Variants in FEZ2 observed in about 807,000 individuals in gnomAD.
FEZ2 encodes fasciculation and elongation protein zeta-2.
FEZ2 carries 51 observed loss-of-function variants against 40.4 expected under a neutral mutation model. That is an observed-to-expected ratio of 1.26 (90% CI 1.01 to 1.59). The LOEUF is 1.59. Among genes scored for constraint, FEZ2 ranks in the 40% most tolerant of loss-of-function variants. The pLI, the probability that FEZ2 is intolerant of heterozygous loss-of-function variation, is 0.00. For missense variants in FEZ2, 640 were observed against 438.3 expected (o/e 1.46, Z -4.11); for synonymous variants, 242 against 172.0 (o/e 1.41, Z -3.18).
At chr2:36,581,696 A>AC in intron 3 of FEZ2, 1 of 349,970 alleles carries the variant, frequency 2.9e-6, no homozygotes. Context: ...AGGCCCTAAC[A>AC]TGTCTTGCAA....
intron 5 of FEZ2, among the ~76,000 whole-genome samples, chr2:36,562,092 C>T (rs1668108748): frequency 6.6e-6 from 1 of 152,152 alleles, no homozygotes; most frequent in South Asian, 2.1e-4. Context: ...AGACTGAATG[C>T]AGAAGCACAT....
intron 3 of FEZ2, among the ~76,000 whole-genome samples, chr2:36,581,907 GA>G (rs1668761709): frequency 6.6e-6 from 1 of 151,888 alleles, no homozygotes; most frequent in Admixed American, 6.6e-5. Flanking sequence ...ATATAAATGG[GA>G]AATTACCTCT....
At chr2:36,558,558 C>G (rs1472981069) in intron 5 of FEZ2, 45 bp from the exon 6 acceptor site, 1 of 1,184,130 alleles carries the variant, frequency 8.4e-7, no homozygotes, top group Non-Finnish European at 1.2e-6. Flanking sequence ...TCGGAATTAC[C>G]TTATCTGCAA....
At chr2:36,589,061 TAC>T (rs1558458930) in intron 2 of FEZ2, among the ~76,000 whole-genome samples, 1 of 152,236 alleles carries the variant, frequency 6.6e-6, no homozygotes, top group Non-Finnish European at 1.5e-5. Context: ...TCTCTGGCCC[TAC>T]AGTTTCACTG....
intron 4 of FEZ2, chr2:36,579,083 C>T (rs1048322961): frequency 4.3e-6 from 2 of 467,098 alleles, no homozygotes; most frequent in Middle Eastern, 5.4e-4. Flanking sequence ...GCAGGTGAGT[C>T]ACTTCTCAGC....
intron 4 of FEZ2, 115 bp downstream of exon 4, chr2:36,581,175 G>T: frequency 3.0e-6 from 3 of 1,009,744 alleles, no homozygotes; most frequent in Non-Finnish European, 4.4e-6. Context: ...ATGTAAATTT[G>T]GACACAAACA....
intron 1 of FEZ2, among the ~76,000 whole-genome samples, chr2:36,595,509 G>A (rs898163812): frequency 2.6e-5 from 4 of 152,180 alleles, no homozygotes; most frequent in African/African-American, 9.7e-5. Flanking sequence ...GGTAATGCAA[G>A]CAATGGGGAG....
intron 6 of FEZ2, 85 bp from the exon 7 acceptor site, chr2:36,555,833 T>C (rs915588703): frequency 9.0e-6 from 7 of 777,550 alleles, no homozygotes; most frequent in Admixed American, 5.4e-5. Context: ...GTGGCCTTAA[T>C]CTTCCTTAAT....
chr2:36,573,022 T>C (rs559903855), intron 5 of FEZ2, among the ~76,000 whole-genome samples: 2 of 152,336 alleles, frequency 1.3e-5, no homozygotes, highest in African/African-American at 2.4e-5. Flanking sequence ...TAGTCACTGA[T>C]TGCTAATATC....
intron 5 of FEZ2, among the ~76,000 whole-genome samples, chr2:36,572,308 G>T (rs1668441999): frequency 6.6e-6 from 1 of 152,124 alleles, no homozygotes; most frequent in Non-Finnish European, 1.5e-5. Context: ...TCAGGCTGCT[G>T]CTGAAGGGGC....
rs541229382 is a variant in FEZ2, at chr2:36,586,968, C to T, written c.376-3499G>A. Among the ~76,000 whole-genome samples, 4 of 152,264 alleles carry T rather than the reference C, an allele frequency of 2.6e-5. No homozygotes were observed. The South Asian group carries it at 8.3e-4, about 32-fold the overall frequency. On this transcript the variant is annotated intron_variant, in intron 2 of 7. Transcript: ENST00000405912. ...CTCAATCTATCAATCAATCAAATTG[C>T]TTCTGTGGAAGACATTATCTTTTTC...
chr2:36,556,990 T>C (rs746045949), intron 6 of FEZ2: 7 of 152,220 alleles, frequency 4.6e-5, no homozygotes, highest in Non-Finnish European at 7.3e-5. Context: ...GCTGGAATTA[T>C]GATGACTTTA....
chr2:36,583,717 T>C (rs1308613380), intron 2 of FEZ2, among the ~76,000 whole-genome samples: 4 of 152,098 alleles, frequency 2.6e-5, no homozygotes, highest in South Asian at 2.1e-4. Context: ...CTGACAGATA[T>C]GCAGAAAAAA....
At chr2:36,566,139 G>C (rs1668231843) in intron 5 of FEZ2, among the ~76,000 whole-genome samples, 1 of 152,166 alleles carries the variant, frequency 6.6e-6, no homozygotes, top group Non-Finnish European at 1.5e-5. Flanking sequence ...AGGAGATGGA[G>C]ACCATCCTGG....
At chr2:36,579,619 T>C (rs1668675173) in intron 4 of FEZ2, among the ~76,000 whole-genome samples, 1 of 151,664 alleles carries the variant, frequency 6.6e-6, no homozygotes, top group African/African-American at 2.4e-5. Context: ...CCACCATGAG[T>C]AAAAGCTCCC....
chr2:36,566,377 G>C (rs1668240251), intron 5 of FEZ2, among the ~76,000 whole-genome samples: 1 of 151,992 alleles, frequency 6.6e-6, no homozygotes, highest in Admixed American at 6.6e-5. Flanking sequence ...TTTTAATGGG[G>C]AGGTAGAGTG....
In FEZ2 at chr2:36,597,999, C is replaced by A; in HGVS notation, c.144G>T (p.Pro48=). Residue 48 remains proline (P), a synonymous_variant, in exon 1 of 8, where the codon CCG becomes CCT. Transcript: ENST00000405912. ...TCTCCTCCAAGCTGCAGGCCGGGGC[C>A]GGGAAACCGTCGGCGCCCCCACCCG... The part of the protein sequence containing the change: ...AEAGGGADGF[P]APACSLEEKL... 1 of 1,493,710 alleles carries A rather than the reference C, an allele frequency of 6.7e-7. No homozygotes were observed. Among genetic ancestry groups the A allele is most frequent in the South Asian group, 1.2e-5 (1 of 80,442 alleles). 92.5% of individuals were successfully genotyped at this position (1,493,710 alleles called of 1,614,324 possible). A position where few individuals can be genotyped will look rare whatever the true frequency, so the allele number is the denominator to read the frequency against.
At chr2:36,581,627 C>A (rs1668752293) in intron 3 of FEZ2, 196 bp from the exon 4 acceptor site, 1 of 563,758 alleles carries the variant, frequency 1.8e-6, no homozygotes. Flanking sequence ...GAAAAAATTA[C>A]AATATACTAA....
In FEZ2 at chr2:36,589,116, A is replaced by G. The variant is rs848610; in HGVS notation, c.375+1787T>C. Among the ~76,000 whole-genome samples the G allele has an allele frequency of 2.6e-5, 4 of 152,148 alleles. No homozygotes were observed. The South Asian group carries it at 6.2e-4, about 24-fold the overall frequency. On this transcript the variant is annotated intron_variant, in intron 2 of 7. Coordinates refer to ENST00000405912, the MANE Select transcript of FEZ2 (RefSeq NM_005102.3). ...TTCACTCAATAAAAAGGTATCTTCA[A>G]ACTTACTATGTGCCAGGAACAGTAT... is the stretch of plus-strand genomic sequence containing the variant.
Sources: gnomAD v4.1 joint callset for allele counts (sites outside exome capture counted in the v4.1 genomes callset) on GRCh38, gnomAD v4.1.1 for gene constraint, MANE v1.5 for transcripts, NCBI Gene and HGNC (gene_info 2026-07-23, HGNC 2026-07-21) for gene names.